Variants in CMSS1 observed in about 807,000 individuals in gnomAD.
The protein encoded by CMSS1 is cms1 ribosomal small subunit homolog.
A neutral mutation model predicts 43.5 loss-of-function variants in CMSS1; 33 were observed. That is an observed-to-expected ratio of 0.76 (90% CI 0.57 to 1.01). The LOEUF (loss-of-function observed/expected upper bound fraction) is 1.01. Among genes scored for constraint, CMSS1 ranks in the 50% least tolerant of loss-of-function variants. The pLI is 0.00. For missense variants in CMSS1, 313 were observed against 326.4 expected (o/e 0.96, Z 0.32); for synonymous variants, 115 against 117.2 (o/e 0.98, Z 0.12).
chr3:100,102,948 G>A (rs1184789061), intron 1 of CMSS1, among the ~76,000 whole-genome samples: 1 of 152,218 alleles, frequency 6.6e-6, no homozygotes, highest in Non-Finnish European at 1.5e-5. Flanking sequence ...ATTGGCAAGA[G>A]CAGTTGAAAG....
chr3:99,947,581 C>T (rs1160449102), intron 1 of CMSS1, among the ~76,000 whole-genome samples: 2 of 152,130 alleles, frequency 1.3e-5, no homozygotes, highest in Non-Finnish European at 2.9e-5. Flanking sequence ...GAACTGTCCT[C>T]GGCTGAGAAA....
At chr3:99,877,949 C>G (rs1480573640) in intron 1 of CMSS1, among the ~76,000 whole-genome samples, 2 of 152,178 alleles carry the variant, frequency 1.3e-5, no homozygotes, top group Non-Finnish European at 1.5e-5. Context: ...CCATTTGTTT[C>G]TTTCTCACAT....
At chr3:100,169,671 A>G (rs2067093137) in intron 6 of CMSS1, among the ~76,000 whole-genome samples, 1 of 152,214 alleles carries the variant, frequency 6.6e-6, no homozygotes, top group Admixed American at 6.5e-5. Context: ...TCCCAGTGAA[A>G]CACTTGTGTT....
rs936408117 is a variant in CMSS1, at chr3:100,173,255, C to T, written c.667+852C>T. ...GTTTTGTACAAATACCAACAACTAA[C>T]AAATTTGGCTGCCCCTGACAAGGAA... On this transcript the variant is annotated intron_variant, in intron 8 of 9. Transcript: ENST00000421999. Among the ~76,000 whole-genome samples, 5 of 152,298 alleles carry T rather than the reference C, an allele frequency of 3.3e-5. No homozygotes were observed. The East Asian group carries it at 9.6e-4, about 29-fold the overall frequency.
rs916676754 is a variant in CMSS1 at position 99,873,461 on chromosome 3, T to A, written c.64+55418T>A. Among the ~76,000 whole-genome samples the A allele has an allele frequency of 2.0e-5, 3 of 152,174 alleles. No homozygotes were observed. The South Asian group carries it at 6.2e-4, about 32-fold the overall frequency. The stretch of plus-strand genomic sequence containing the variant: ...ATATCCAGTCTTTTATAAACAGTTC[T>A]CTTCTTGCCCCTCTTCCTTTTTCCT... On this transcript the variant is annotated intron_variant, in intron 1 of 9. Coordinates refer to ENST00000421999, the MANE Select transcript of CMSS1 (RefSeq NM_032359.4).
intron 1 of CMSS1, among the ~76,000 whole-genome samples, chr3:99,993,087 G>A (rs149723953): frequency 6.6e-6 from 1 of 151,956 alleles, no homozygotes; most frequent in Non-Finnish European, 1.5e-5. Flanking sequence ...TTTGAGTAAG[G>A]TAATGTGATA....
At chr3:100,123,459 A>G (rs977169724) in intron 1 of CMSS1, among the ~76,000 whole-genome samples, 2 of 152,212 alleles carry the variant, frequency 1.3e-5, no homozygotes, top group Non-Finnish European at 2.9e-5. Flanking sequence ...TTTTAAGTAT[A>G]AAAGCAGACT....
chr3:99,942,929 G>A (rs1360234044), intron 1 of CMSS1, among the ~76,000 whole-genome samples: 3 of 152,024 alleles, frequency 2.0e-5, no homozygotes, highest in African/African-American at 4.8e-5. Flanking sequence ...ACCAAGCTTG[G>A]GTATCAGGCA....
At chr3:99,929,831 T>C in intron 1 of CMSS1, 1 of 1,572,594 alleles carries the variant, frequency 6.4e-7, no homozygotes, top group Non-Finnish European at 8.6e-7. Context: ...GCCTCCCAGG[T>C]ACACACCCCT....
chr3:100,148,243 A>G (rs1329114464), intron 2 of CMSS1, among the ~76,000 whole-genome samples: 1 of 151,914 alleles, frequency 6.6e-6, no homozygotes, highest in Admixed American at 6.6e-5. Flanking sequence ...CACACCGGCT[A>G]ATTTCTTTAT....
intron 1 of CMSS1, among the ~76,000 whole-genome samples, chr3:99,971,600 G>A (rs1708824619): frequency 6.6e-6 from 1 of 152,126 alleles, no homozygotes; most frequent in Admixed American, 6.5e-5. Flanking sequence ...CTTTTGTCTT[G>A]TAGCCACTCC....
intron 1 of CMSS1, among the ~76,000 whole-genome samples, chr3:99,856,687 C>A (rs981020951): frequency 2.0e-5 from 3 of 152,170 alleles, no homozygotes; most frequent in Non-Finnish European, 2.9e-5. Flanking sequence ...TCACATCTGT[C>A]ATCTTCAGTA....
At chr3:99,861,895 C>T (rs572812044) in intron 1 of CMSS1, among the ~76,000 whole-genome samples, 2 of 152,210 alleles carry the variant, frequency 1.3e-5, no homozygotes, top group South Asian at 4.2e-4. Context: ...ATTTAACCTC[C>T]CTACAAGTCT....
chr3:100,023,015 G>C (rs916305485), intron 1 of CMSS1, among the ~76,000 whole-genome samples: 1 of 152,156 alleles, frequency 6.6e-6, no homozygotes, highest in African/African-American at 2.4e-5. Context: ...TGTTAGAGTA[G>C]CCACACCTCT....
intron 1 of CMSS1, among the ~76,000 whole-genome samples, chr3:100,100,731 T>TATTA (rs2107456141): frequency 6.6e-6 from 1 of 152,312 alleles, no homozygotes; most frequent in South Asian, 2.1e-4. Context: ...ACCAAGATGA[T>TATTA]GAGAAATAGC....
chr3:99,825,228 T>C (rs1172168166), intron 1 of CMSS1, among the ~76,000 whole-genome samples: 1 of 152,242 alleles, frequency 6.6e-6, no homozygotes, highest in Admixed American at 6.5e-5. Context: ...CGTCAAGCTC[T>C]CATGCTTAGC....
intron 1 of CMSS1, among the ~76,000 whole-genome samples, chr3:99,839,857 C>T (rs1249318417): frequency 6.6e-6 from 1 of 152,174 alleles, no homozygotes. Context: ...CATCTCTAGA[C>T]ACCAGACATA....
chr3:100,005,450 C>T (rs925679894), intron 1 of CMSS1, among the ~76,000 whole-genome samples: 3 of 152,150 alleles, frequency 2.0e-5, no homozygotes, highest in Non-Finnish European at 4.4e-5. Context: ...CAGGGTTCCA[C>T]CCAAGACCTA....
intron 1 of CMSS1, among the ~76,000 whole-genome samples, chr3:99,995,954 C>T (rs183453388): frequency 6.6e-6 from 1 of 152,188 alleles, no homozygotes; most frequent in Non-Finnish European, 1.5e-5. Flanking sequence ...CTCTGACATG[C>T]CCTGGAGACA....
Sources: gnomAD v4.1 joint callset for allele counts (sites outside exome capture counted in the v4.1 genomes callset) on GRCh38, gnomAD v4.1.1 for gene constraint, MANE v1.5 for transcripts, NCBI Gene and HGNC (gene_info 2026-07-23, HGNC 2026-07-21) for gene names.